Variants in DARS2 observed in about 807,000 individuals in gnomAD.
DARS2 encodes aspartate--tRNA ligase, mitochondrial.
A neutral mutation model predicts 83.0 loss-of-function variants in DARS2; 63 were observed. That is an observed-to-expected ratio of 0.76 (90% CI 0.62 to 0.94). The LOEUF (loss-of-function observed/expected upper bound fraction) is 0.94. DARS2 is among the 40% of genes least tolerant of loss of function. The probability of loss-of-function intolerance (pLI) is 0.00; values close to 1 mark genes in which losing one functional copy is unlikely to be tolerated. For missense variants in DARS2, 675 were observed against 774.4 expected (o/e 0.87, Z 1.52); for synonymous variants, 250 against 269.3 (o/e 0.93, Z 0.70).
intron 7 of DARS2, among the ~76,000 whole-genome samples, 156 bp from the exon 8 acceptor site, chr1:173,836,784 A>G (rs1029141463): frequency 6.6e-6 from 1 of 152,220 alleles, no homozygotes; most frequent in African/African-American, 2.4e-5. Flanking sequence ...TAGGGACTCA[A>G]AGATAAGCAG....
intron 1 of DARS2, 120 bp from the exon 2 acceptor site, chr1:173,826,567 T>C (rs942563551): frequency 2.9e-6 from 2 of 692,124 alleles, no homozygotes; most frequent in African/African-American, 3.6e-5. Flanking sequence ...TTTTATAAAT[T>C]TCCCCTGTAG....
intron 13 of DARS2, among the ~76,000 whole-genome samples, chr1:173,852,537 T>C (rs1653713205): frequency 6.6e-6 from 1 of 152,188 alleles, no homozygotes; most frequent in South Asian, 2.1e-4. Context: ...GGTCTCACTC[T>C]GTTGCCCAGG....
At position 173,838,186 on chromosome 1, in the gene DARS2, G is replaced by T; in HGVS notation, c.771-4G>T. 1 of 1,610,308 alleles carries T rather than the reference G, an allele frequency of 6.2e-7. No individual in the cohort carries two copies. The highest frequency in any genetic ancestry group is 1.7e-5 in the Admixed American group (1 of 60,014). ...ACTCAATTAATGCTATTTCTCAATT[G>T]TAGATATTTTCAGGTTGCCCGATGT... is the stretch of plus-strand genomic sequence containing the variant. On this transcript the variant is annotated splice_polypyrimidine_tract_variant and splice_region_variant and intron_variant, in intron 8 of 16. Coordinates refer to ENST00000649689, the MANE Select transcript of DARS2 (RefSeq NM_018122.5).
chr1:173,833,480 A>G lies in DARS2; in HGVS notation c.597A>G (p.Glu199=). The G allele has an allele frequency of 6.2e-7, 1 of 1,614,166 alleles. No homozygotes were observed. Among genetic ancestry groups the G allele is most frequent in the East Asian group, 2.2e-5 (1 of 44,872 alleles). The change falls in exon 6 of 17, where the codon GAA becomes GAG. Residue 199 remains glutamate (E), a synonymous_variant. Transcript: ENST00000649689. ...LRSQMVMKMR[E]YLCNLHGFVD... is the part of the protein sequence containing the mutation. ...CCCAGATGGTCATGAAAATGCGGGA[A>G]TATCTCTGTAATCTGCATGGTAAGA...
chr1:173,825,182 G>A lies in DARS2; in HGVS notation c.-48G>A, dbSNP rs1652430834. The A allele has an allele frequency of 6.2e-7, 1 of 1,600,082 alleles. No individual in the cohort carries two copies. The highest frequency in any genetic ancestry group is 1.7e-5 in the Admixed American group (1 of 59,612). ...TTTCCAAAACTGACTTTTAACTACCGGCAGCGTGGGATTTCGTGATTGTTT... is the reference window on the plus strand; with the variant it reads ...TTTCCAAAACTGACTTTTAACTACCAGCAGCGTGGGATTTCGTGATTGTTT... On this transcript the variant is annotated 5_prime_UTR_variant, in exon 1 of 17. Transcript: ENST00000649689.
Position 173,857,662 on chromosome 1 carries a change from G to GA in DARS2, c.1896dup (p.Val633SerfsTer23). ...GAGGAACTGAAGCCCTATCATATCC[G>GA]AGTCTCCAAGCCAACAGACTCCAAA... On this transcript the variant is annotated frameshift_variant, in exon 17 of 17. Coordinates refer to ENST00000649689, the MANE Select transcript of DARS2 (RefSeq NM_018122.5). LOFTEE classifies it high-confidence loss of function. 3.1e-6 allele frequency: 5 copies of GA among 1,614,052 alleles called. No homozygotes were observed. Among genetic ancestry groups the GA allele is most frequent in the Non-Finnish European group, 4.2e-6 (5 of 1,180,000 alleles).
At chr1:173,838,365 T>C in intron 9 of DARS2, 106 bp downstream of exon 9, 1 of 815,014 alleles carries the variant, frequency 1.2e-6, no homozygotes. Context: ...TTACATTTTA[T>C]CCATCAGATA....
At chr1:173,856,784 C>T (rs746546134) in intron 16 of DARS2, 43 bp downstream of exon 16, 1 of 1,533,868 alleles carries the variant, frequency 6.5e-7, no homozygotes, top group Non-Finnish European at 9.0e-7. Context: ...AATTCCATTG[C>T]ACTGTCTCAA....
intron 7 of DARS2, among the ~76,000 whole-genome samples, chr1:173,835,280 C>T (rs891030936): frequency 6.6e-6 from 1 of 151,004 alleles, no homozygotes; most frequent in Non-Finnish European, 1.5e-5. Flanking sequence ...TTAGTAGAGA[C>T]GGGGTTTCGC....
At chr1:173,849,889 ACT>A (rs1653585510) in intron 12 of DARS2, among the ~76,000 whole-genome samples, 1 of 113,394 alleles carries the variant, frequency 8.8e-6, no homozygotes, top group Non-Finnish European at 1.7e-5. Context: ...TTTGAGTCTC[ACT>A]CTGTCACCCA....
At position 173,831,749 on chromosome 1, in the gene DARS2, G is replaced by T. The variant is rs540960042; in HGVS notation, c.492+119G>T. ...CTACAAAATTAAGCATTTTATTGTAGACACATCATGAAGTGTTCTCTTAGT... is the reference window on the plus strand; with the variant it reads ...CTACAAAATTAAGCATTTTATTGTATACACATCATGAAGTGTTCTCTTAGT... On this transcript the variant is annotated intron_variant, in intron 5 of 16. Transcript: ENST00000649689. 8.8e-6 allele frequency: 7 copies of T among 793,136 alleles called. No homozygotes were observed. The African/African-American group carries it at 1.0e-4, about 12-fold the overall frequency. 49.1% of individuals were successfully genotyped at this position (793,136 alleles called of 1,614,324 possible).
intron 13 of DARS2, chr1:173,852,100 T>A: frequency 2.0e-6 from 2 of 985,462 alleles, no homozygotes; most frequent in Non-Finnish European, 2.4e-6. Flanking sequence ...AACCAGACTT[T>A]CGAGGAATAA....
In DARS2 at chr1:173,833,485, T is replaced by C. The variant is rs770686905; in HGVS notation, c.602T>C (p.Leu201Pro). Residue 201 changes from leucine to proline, a missense_variant, in exon 6 of 17, where the codon CTC (leucine) becomes CCC (proline). Leu to Pro is a moderately conservative substitution (Grantham distance 98). Transcript: ENST00000649689. ...SQMVMKMREY[L>P]CNLHGFVDIE... ...ATGGTCATGAAAATGCGGGAATATC[T>C]CTGTAATCTGCATGGTAAGAGAAAT... is the stretch of plus-strand genomic sequence containing the variant. 1.9e-6 allele frequency: 3 copies of C among 1,614,158 alleles called. No homozygotes were observed. The highest frequency in any genetic ancestry group is 2.5e-6 in the Non-Finnish European group (3 of 1,180,022).
At position 173,858,171 on chromosome 1, in the gene DARS2, A is replaced by G; in HGVS notation, c.*466A>G. ...AATTAAGCTTTATAATGACATTTCA[A>G]CCATCAACATAATATAGTGAGGAGT... On this transcript the variant is annotated 3_prime_UTR_variant, in exon 17 of 17. Transcript: ENST00000649689. The G allele has an allele frequency of 5.1e-6, 1 of 194,610 alleles. No individual in the cohort carries two copies. Among genetic ancestry groups the G allele is most frequent in the Non-Finnish European group, 1.1e-5 (1 of 92,410 alleles). 12.1% of individuals were successfully genotyped at this position (194,610 alleles called of 1,614,324 possible). A position where few individuals can be genotyped will look rare whatever the true frequency, so the allele number is the denominator to read the frequency against.
intron 5 of DARS2, 27 bp from the exon 6 acceptor site, chr1:173,833,349 A>C: frequency 6.6e-7 from 1 of 1,517,600 alleles, no homozygotes; most frequent in South Asian, 1.3e-5. Context: ...AAAATATTTA[A>C]ATATAAAAAT....
At chr1:173,856,645 G>GA (rs779343721) in intron 15 of DARS2, 21 bp from the exon 16 acceptor site, 1 of 1,609,222 alleles carries the variant, frequency 6.2e-7, no homozygotes, top group African/African-American at 1.3e-5. Flanking sequence ...TATTTAAACT[G>GA]AATTATCTTT....
At chr1:173,851,539 C>CT (rs1363164251) in intron 13 of DARS2, among the ~76,000 whole-genome samples, 1 of 152,112 alleles carries the variant, frequency 6.6e-6, no homozygotes, top group African/African-American at 2.4e-5. Flanking sequence ...AAGTGGGACC[C>CT]TTTTTCCTCA....
At chr1:173,836,714 C>T (rs1251116273) in intron 7 of DARS2, among the ~76,000 whole-genome samples, 1 of 152,146 alleles carries the variant, frequency 6.6e-6, no homozygotes, top group Non-Finnish European at 1.5e-5. Context: ...ATTCCGCAAG[C>T]ATAAACTTAA....
rs2102662271 is a variant in DARS2, at chr1:173,853,402, A to G, written c.1398A>G (p.Arg466=). 1 of 1,614,074 alleles carries G rather than the reference A, an allele frequency of 6.2e-7. No homozygotes were observed. The highest frequency in any genetic ancestry group is 8.5e-7 in the Non-Finnish European group (1 of 1,180,030). The change falls in exon 14 of 17, where the codon AGA becomes AGG. Residue 466 remains arginine (R), a synonymous_variant. Transcript: ENST00000649689. ...AATGTGCTGACCTTCTAGAAACAAG[A>G]GGAGTGGTGCTCCGTGACCCCACTC... ...RLECADLLET[R]GVVLRDPTLF... is the part of the protein sequence containing the mutation.
Sources: gnomAD v4.1 joint callset for allele counts (sites outside exome capture counted in the v4.1 genomes callset) on GRCh38, gnomAD v4.1.1 for gene constraint, MANE v1.5 for transcripts, NCBI Gene and HGNC (gene_info 2026-07-23, HGNC 2026-07-21) for gene names.